The following FBXO34 variants were observed in gnomAD, a reference collection of about 807,000 sequenced individuals.
The protein encoded by FBXO34 is F-box protein 34, also known as F-box only protein 34.
FBXO34 carries 12 observed loss-of-function variants against 24.5 expected under a neutral mutation model. The ratio of observed to expected loss-of-function variants is 0.49; its 90% CI spans 0.31 to 0.79. FBXO34 has a LOEUF of 0.79. FBXO34 is among the 30% of genes least tolerant of loss of function. The probability of loss-of-function intolerance (pLI) is 0.04; values close to 1 mark genes in which losing one functional copy is unlikely to be tolerated. For missense variants in FBXO34, 823 were observed against 857.7 expected (o/e 0.96, Z 0.51); for synonymous variants, 320 against 311.9 (o/e 1.03, Z -0.27).
At chr14:55,361,067 A>C (rs1346890072) in intron 3 of FBXO34, among the ~76,000 whole-genome samples, 1 of 152,186 alleles carries the variant, frequency 6.6e-6, no homozygotes, top group African/African-American at 2.4e-5. Flanking sequence ...AATGGCATCC[A>C]GAATGGCGAA....
At chr14:55,366,648 T>TAG (rs1884685860), downstream of FBXO34, 1 of 152,472 alleles carries the variant, frequency 6.6e-6, no homozygotes, top group Non-Finnish European at 1.5e-5. Context: ...TTTTCTTATA[T>TAG]TCCATAACCA....
chr14:55,422,200 G>C, the FBXO34 span, among the ~76,000 whole-genome samples: 124 of 152,322 alleles, frequency 8.1e-4, 3 homozygotes, highest in South Asian at 0.022. Flanking sequence ...TGGTTGGCTA[G>C]CTATTTGGGA....
At chr14:55,436,914 AG>A in the FBXO34 span, 2 of 1,614,224 alleles carry the variant, frequency 1.2e-6, no homozygotes, top group Admixed American at 1.7e-5. Context: ...CTTTGACTTC[AG>A]GGTTCGAATT....
chr14:55,422,340 G>A, the FBXO34 span, among the ~76,000 whole-genome samples: 1 of 152,056 alleles, frequency 6.6e-6, no homozygotes, highest in Non-Finnish European at 1.5e-5. Flanking sequence ...CCACCTCCTA[G>A]GTTCAAGCGA....
the FBXO34 span, among the ~76,000 whole-genome samples, chr14:55,411,176 G>A: frequency 6.6e-6 from 1 of 152,174 alleles, no homozygotes; most frequent in African/African-American, 2.4e-5. Flanking sequence ...CTCTAAAGCA[G>A]TTATTTGATT....
the FBXO34 span, among the ~76,000 whole-genome samples, chr14:55,387,035 T>C: frequency 6.6e-6 from 1 of 152,172 alleles, no homozygotes; most frequent in African/African-American, 2.4e-5. Context: ...TCTAGGCCTT[T>C]CTTTTCATTC....
chr14:55,364,409 C>A (rs1001134217), downstream of FBXO34, among the ~76,000 whole-genome samples: 1 of 152,032 alleles, frequency 6.6e-6, no homozygotes, highest in Admixed American at 6.6e-5. Context: ...GAAAGATTGT[C>A]CCACTGGTGG....
At chr14:55,322,179 G>A (rs989034167) in intron 1 of FBXO34, among the ~76,000 whole-genome samples, 11 of 151,842 alleles carry the variant, frequency 7.2e-5, no homozygotes, top group South Asian at 2.1e-4. Flanking sequence ...GCGTGGTGGC[G>A]GGCGCCTGTA....
chr14:55,359,360 C>T (rs922217285), intron 3 of FBXO34, among the ~76,000 whole-genome samples: 3 of 152,164 alleles, frequency 2.0e-5, no homozygotes, highest in African/African-American at 7.2e-5. Flanking sequence ...AGATAAAATT[C>T]GTTCCATCCA....
intron 1 of FBXO34, among the ~76,000 whole-genome samples, chr14:55,317,564 T>C (rs1882975980): frequency 6.6e-6 from 1 of 152,240 alleles, no homozygotes; most frequent in South Asian, 2.1e-4. Context: ...CATTTTGTTA[T>C]TATGGATGCT....
chr14:55,438,660 T>C, the FBXO34 span: 4 of 152,358 alleles, frequency 2.6e-5, no homozygotes, highest in African/African-American at 7.2e-5. Context: ...GGATGTTTTA[T>C]GGTAATGGAA....
At chr14:55,369,885 T>A, downstream of FBXO34, 1 of 1,614,082 alleles carries the variant, frequency 6.2e-7, no homozygotes, top group East Asian at 2.2e-5. Context: ...ACAAATTCCA[T>A]GGACTCCTCA....
At chr14:55,398,833 C>T in the FBXO34 span, among the ~76,000 whole-genome samples, 1 of 151,240 alleles carries the variant, frequency 6.6e-6, no homozygotes, top group Non-Finnish European at 1.5e-5. Context: ...ATGTGGCTTG[C>T]TGCTTAATAA....
At chr14:55,399,667 C>T in the FBXO34 span, among the ~76,000 whole-genome samples, 1 of 152,164 alleles carries the variant, frequency 6.6e-6, no homozygotes, top group African/African-American at 2.4e-5. Flanking sequence ...ATAGTATTTA[C>T]TTTTATATCA....
intron 1 of FBXO34, among the ~76,000 whole-genome samples, chr14:55,280,142 G>C (rs1881482922): frequency 6.6e-6 from 1 of 152,022 alleles, no homozygotes; most frequent in South Asian, 2.1e-4. Context: ...AAATATATTA[G>C]TACATGATAT....
At position 55,351,700 on chromosome 14, in the gene FBXO34, G is replaced by A. The variant is rs1026545856; in HGVS notation, c.1310G>A (p.Arg437Lys). The change falls in exon 2 of 2, where the codon AGA becomes AAA. Residue 437 changes from arginine (R) to lysine (K), a missense_variant. Coordinates refer to ENST00000313833, the MANE Select transcript of FBXO34 (RefSeq NM_017943.4). The stretch of plus-strand genomic sequence containing the variant: ...ACAGATGCTGTTGATTGTATGAGCA[G>A]AGAGCTTGTGTCCCTTACTAGCCGA... ...LPTDAVDCMS[R>K]ELVSLTSRNP... is the part of the protein sequence containing the mutation. 4 of 1,614,212 alleles carry A rather than the reference G, an allele frequency of 2.5e-6. No homozygotes were observed. In the African/African-American group the frequency reaches 4.0e-5, roughly 16 times the overall value.
chr14:55,414,200 A>G, the FBXO34 span: 227,024 of 564,794 alleles, frequency 0.4, 47,585 homozygotes, highest in African/African-American at 0.58. Flanking sequence ...AAATAACACA[A>G]AAGGAGTCAT....
At chr14:55,390,667 G>T in the FBXO34 span, among the ~76,000 whole-genome samples, 1 of 152,210 alleles carries the variant, frequency 6.6e-6, no homozygotes, top group Non-Finnish European at 1.5e-5. Flanking sequence ...TACCACGCCT[G>T]GCGCCTAACT....
chr14:55,376,659 C>A, the FBXO34 span, among the ~76,000 whole-genome samples: 1 of 152,076 alleles, frequency 6.6e-6, no homozygotes, highest in African/African-American at 2.4e-5. Context: ...TGTTAGTGGA[C>A]GAGGCCTCCC....
Sources: allele counts gnomAD v4.1 joint callset (sites outside exome capture counted in the v4.1 genomes callset), GRCh38; gene constraint gnomAD v4.1.1; transcripts MANE v1.5; gene names NCBI Gene and HGNC (gene_info 2026-07-23, HGNC 2026-07-21).